SMAD2: variants seen among roughly 807,000 people sequenced by gnomAD.
The protein encoded by SMAD2 is SMAD family member 2.
A neutral mutation model predicts 64.4 loss-of-function variants in SMAD2; 8 were observed. The ratio of observed to expected loss-of-function variants is 0.12; its 90% confidence interval spans 0.07 to 0.22. SMAD2 has a LOEUF of 0.22. Ranked by LOEUF, SMAD2 falls within the 10% of genes least tolerant of loss-of-function variation. SMAD2 has a pLI of 1.00. For missense variants in SMAD2, 289 were observed against 561.2 expected (o/e 0.51, Z 4.90); for synonymous variants, 203 against 195.8 (o/e 1.04, Z -0.31).
At chr18:47,878,910 GA>G (rs1165040396) in intron 2 of SMAD2, among the ~76,000 whole-genome samples, 1 of 151,978 alleles carries the variant, frequency 6.6e-6, no homozygotes, top group Non-Finnish European at 1.5e-5. Context: ...TTACTTTTTG[GA>G]ACATTAAAAA....
intron 1 of SMAD2, among the ~76,000 whole-genome samples, chr18:47,923,081 T>C (rs138235813): frequency 2.2e-4 from 33 of 150,870 alleles, no homozygotes; most frequent in African/African-American, 7.8e-4. Context: ...CTAAGAGTTA[T>C]ATTCCTATCA....
intron 6 of SMAD2, among the ~76,000 whole-genome samples, chr18:47,855,540 A>G (rs2030596911): frequency 6.6e-6 from 1 of 152,142 alleles, no homozygotes; most frequent in Non-Finnish European, 1.5e-5. Context: ...GAACTCCCTC[A>G]GCTTTTGTCT....
chr18:47,846,104 ATTGAG>A (rs1471245713), intron 8 of SMAD2, among the ~76,000 whole-genome samples: 36 of 152,194 alleles, frequency 2.4e-4, no homozygotes, highest in Non-Finnish European at 4.0e-4. Context: ...TAAGTAAAAG[ATTGAG>A]TTAATTTTGA....
At chr18:47,909,352 G>A (rs2034029488) in intron 1 of SMAD2, among the ~76,000 whole-genome samples, 3 of 152,148 alleles carry the variant, frequency 2.0e-5, no homozygotes, top group Non-Finnish European at 4.4e-5. Context: ...AAACAGGCTG[G>A]CTTAAAAAAT....
chr18:47,888,507 G>T (rs1356425024), intron 2 of SMAD2, among the ~76,000 whole-genome samples: 3 of 152,206 alleles, frequency 2.0e-5, no homozygotes, highest in Non-Finnish European at 4.4e-5. Flanking sequence ...AAAAGTAGAA[G>T]TGAATCTCCC....
Position 47,921,338 on chromosome 18 carries a change from G to C in SMAD2, c.-54+9023C>G, listed in dbSNP as rs762600755. Among the ~76,000 whole-genome samples, 10 of 152,232 alleles carry C rather than the reference G, an allele frequency of 6.6e-5. No homozygotes were observed. In the South Asian group the frequency reaches 1.2e-3, roughly 19 times the overall value. On this transcript the variant is annotated intron_variant, in intron 1 of 10. Coordinates refer to ENST00000262160, the MANE Select transcript of SMAD2 (RefSeq NM_005901.6). Reference sequence around the variant, plus strand: ...TGTTCATAGATGCATAAAATCTCTGGAACACCACACAAAAACCTAGTAAAG... The same window carrying C: ...TGTTCATAGATGCATAAAATCTCTGCAACACCACACAAAAACCTAGTAAAG...
At chr18:47,917,547 CCCTG>C (rs1356920267) in intron 1 of SMAD2, among the ~76,000 whole-genome samples, 1 of 151,892 alleles carries the variant, frequency 6.6e-6, no homozygotes, top group Non-Finnish European at 1.5e-5. Context: ...TTTTCTTCTT[CCCTG>C]CCTTATACTG....
intron 1 of SMAD2, among the ~76,000 whole-genome samples, chr18:47,906,627 A>G (rs1003058589): frequency 5.9e-5 from 9 of 152,250 alleles, no homozygotes; most frequent in African/African-American, 2.2e-4. Context: ...AATAATCGCA[A>G]TCACAGCACA....
At position 47,828,525 on chromosome 18, in the gene SMAD2, G is replaced by C. The variant is rs1912862735; in HGVS notation, c.*13302C>G. Reference sequence around the variant, plus strand: ...ATGTGGGGAAAGGAAAGAGAGATCAGATTGTTGCTGTGTCTGTGTAGAAAG... The same window carrying C: ...ATGTGGGGAAAGGAAAGAGAGATCACATTGTTGCTGTGTCTGTGTAGAAAG... On this transcript the variant is annotated 3_prime_UTR_variant, in exon 11 of 11. Transcript: ENST00000262160. 1 of 170,328 alleles carries C rather than the reference G, an allele frequency of 5.9e-6. No individual in the cohort carries two copies. Among genetic ancestry groups the C allele is most frequent in the Non-Finnish European group, 1.2e-5 (1 of 82,676 alleles). 10.6% of individuals were successfully genotyped at this position (170,328 alleles called of 1,614,324 possible).
chr18:47,927,508 T>C (rs2034812869), intron 1 of SMAD2, among the ~76,000 whole-genome samples: 2 of 152,110 alleles, frequency 1.3e-5, no homozygotes, highest in South Asian at 2.1e-4. Context: ...GGAACAGGGG[T>C]GTACTTGTTT....
chr18:47,903,877 G>GC lies in SMAD2; in HGVS notation c.-53-7069_-53-7068insG, dbSNP rs1491504118. 2.3e-4 allele frequency among the ~76,000 whole-genome samples: 6 copies of GC among 26,572 alleles called. No individual in the cohort carries two copies. In the Admixed American group the frequency reaches 2.5e-3, roughly 11 times the overall value. The allele number at this position is 26,572 out of a possible 152,430, so 17.4% of individuals were successfully genotyped here. Reference sequence around the variant, plus strand: ...AACACAAAGAGGGAAAAAACAGTGTGGGGGGGGGGGGGACTCAGAATATCC... The same window carrying GC: ...AACACAAAGAGGGAAAAAACAGTGTGCGGGGGGGGGGGGACTCAGAATATCC... On this transcript the variant is annotated intron_variant, in intron 1 of 10. Coordinates refer to ENST00000262160, the MANE Select transcript of SMAD2 (RefSeq NM_005901.6).
intron 2 of SMAD2, among the ~76,000 whole-genome samples, chr18:47,891,803 A>G (rs953826249): frequency 6.6e-6 from 1 of 151,974 alleles, no homozygotes; most frequent in East Asian, 1.9e-4. Flanking sequence ...AAAAGACAAG[A>G]ATAGTCTTGT....
rs1568020174 is a variant in SMAD2, at chr18:47,833,755, A to G, written c.*8072T>C. On this transcript the variant is annotated 3_prime_UTR_variant, in exon 11 of 11. Coordinates refer to ENST00000262160, the MANE Select transcript of SMAD2 (RefSeq NM_005901.6). The stretch of plus-strand genomic sequence containing the variant: ...ACAACATTCACGGAAAAATGTTAAC[A>G]ACACATTCTGGCTTCTCGAGCAGAA... The G allele has an allele frequency of 1.3e-5, 3 of 231,120 alleles. No individual in the cohort carries two copies. The East Asian group carries it at 1.8e-4, about 14-fold the overall frequency. The allele number at this position is 231,120 out of a possible 1,614,324, so 14.3% of individuals were successfully genotyped here.
intron 2 of SMAD2, among the ~76,000 whole-genome samples, chr18:47,876,904 G>C (rs1017806331): frequency 1.3e-5 from 2 of 151,908 alleles, no homozygotes; most frequent in Admixed American, 1.3e-4. Flanking sequence ...TTTGCGTTAA[G>C]GATATAGATA....
intron 1 of SMAD2, among the ~76,000 whole-genome samples, chr18:47,927,570 T>C (rs1435187270): frequency 1.3e-5 from 2 of 152,234 alleles, no homozygotes; most frequent in African/African-American, 4.8e-5. Flanking sequence ...CAGAAAAAGC[T>C]GTTTGTTGAA....
chr18:47,885,190 C>CA (rs2144432142), intron 2 of SMAD2, among the ~76,000 whole-genome samples: 1 of 150,172 alleles, frequency 6.7e-6, no homozygotes, highest in African/African-American at 2.5e-5. Context: ...CACATATACC[C>CA]TCCCCCCCCA....
chr18:47,856,701 T>A (rs1365295343), intron 6 of SMAD2, among the ~76,000 whole-genome samples: 1 of 152,220 alleles, frequency 6.6e-6, no homozygotes, highest in Non-Finnish European at 1.5e-5. Context: ...TCCTACTGAA[T>A]TTCTCTGTCA....
rs1474963818 is a variant in SMAD2, at chr18:47,930,563, G to C, written c.-256C>G. 6.6e-6 allele frequency: 1 copy of C among 150,386 alleles called. No homozygotes were observed. The highest frequency in any genetic ancestry group is 1.5e-5 in the Non-Finnish European group (1 of 67,382). The allele number at this position is 150,386 out of a possible 1,614,324, so 9.3% of individuals were successfully genotyped here. On this transcript the variant is annotated 5_prime_UTR_variant, in exon 1 of 11. Coordinates refer to ENST00000262160, the MANE Select transcript of SMAD2 (RefSeq NM_005901.6). ...GGCCGGCGGCCCGGGCGCGCGGGAG[G>C]GTAGGGGAAGAGAGGGGAGGGGAGG...
intron 2 of SMAD2, among the ~76,000 whole-genome samples, chr18:47,884,802 T>C (rs1295337528): frequency 6.6e-6 from 1 of 152,182 alleles, no homozygotes; most frequent in Non-Finnish European, 1.5e-5. Context: ...TTTGATATAG[T>C]ATAGCCTTTC....
Sources: allele counts gnomAD v4.1 joint callset (sites outside exome capture counted in the v4.1 genomes callset), GRCh38; gene constraint gnomAD v4.1.1; transcripts MANE v1.5; gene names NCBI Gene and HGNC (gene_info 2026-07-23, HGNC 2026-07-21).